MYT1: variants seen among roughly 807,000 people sequenced by gnomAD.
MYT1 encodes the protein myelin transcription factor I.
MYT1 carries 23 observed loss-of-function variants against 123.0 expected under a neutral mutation model. That is an observed-to-expected ratio of 0.19 (90% confidence interval 0.13 to 0.26). The LOEUF is 0.26. Ranked by LOEUF, MYT1 falls within the 10% of genes least tolerant of loss-of-function variation. The pLI, the probability that MYT1 is intolerant of heterozygous loss-of-function variation, is 1.00. For missense variants in MYT1, 1,125 were observed against 1,472.5 expected (o/e 0.76, Z 3.86); for synonymous variants, 518 against 575.3 (o/e 0.90, Z 1.43).
At chr20:64,229,033 C>G (rs1984250612) in intron 18 of MYT1, among the ~76,000 whole-genome samples, 1 of 152,236 alleles carries the variant, frequency 6.6e-6, no homozygotes, top group African/African-American at 2.4e-5. Flanking sequence ...CCAGCTGTGC[C>G]CAAACACCCG....
rs1168018384 is a variant in MYT1, at chr20:64,167,736, C to T, written c.-99+2997C>T. ...GGGGGGCTCTTCTCTTTCTTCCTCT[C>T]TCCCATCTTCCTCATCTTAGATCCT... On this transcript the variant is annotated intron_variant, in intron 1 of 22. Transcript: ENST00000328439. The surrounding 1 kb of genome is among the most constrained non-coding windows in gnomAD (Gnocchi z 6.3). 6.6e-6 allele frequency among the ~76,000 whole-genome samples: 1 copy of T among 152,200 alleles called. No homozygotes were observed. Among genetic ancestry groups the T allele is most frequent in the East Asian group, 1.9e-4 (1 of 5,204 alleles).
At chr20:64,176,702 CT>C (rs955102644) in intron 1 of MYT1, among the ~76,000 whole-genome samples, 1 of 152,244 alleles carries the variant, frequency 6.6e-6, no homozygotes, top group African/African-American at 2.4e-5. Flanking sequence ...TTGGTGCCGC[CT>C]GGGTTCCGGG....
Position 64,227,936 on chromosome 20 carries a change from C to T in MYT1, c.2640C>T (p.Pro880=). ...AGAAAAGTGGAGTCAAGGTGGCACC[C>T]ACCAAGGACGACAAGGAGGACCCCG... ...RAKKSGVKVA[P]TKDDKEDPEL... is the part of the protein sequence containing the mutation. Residue 880 remains proline (P), a synonymous_variant, in exon 18 of 23, where the codon CCC becomes CCT. Coordinates refer to ENST00000328439, the MANE Select transcript of MYT1 (RefSeq NM_004535.3). 6.2e-7 allele frequency: 1 copy of T among 1,614,082 alleles called. No homozygotes were observed. Among genetic ancestry groups the T allele is most frequent in the South Asian group, 1.1e-5 (1 of 91,080 alleles).
Position 64,232,374 on chromosome 20 carries a change from C to T in MYT1, c.2886C>T (p.Leu962=), listed in dbSNP as rs1422383425. The T allele has an allele frequency of 1.2e-6, 2 of 1,613,010 alleles. No individual in the cohort carries two copies. Among genetic ancestry groups the T allele is most frequent in the Admixed American group, 1.7e-5 (1 of 60,022 alleles). ...DGSGHANGSF[L]THRSLSGCPR... ...CTGGCCACGCCAATGGGAGTTTCCT[C>T]ACCCACCGGAGGTAACTGTGCCTGC... Residue 962 remains leucine (L), a synonymous_variant, in exon 19 of 23, where the codon CTC becomes CTT. Transcript: ENST00000328439. This position sits in a 1 kb window ranked among gnomAD's most constrained non-coding sequence, Gnocchi z 6.9.
intron 1 of MYT1, among the ~76,000 whole-genome samples, chr20:64,177,916 A>G (rs564220): frequency 0.91 from 138,862 of 152,234 alleles, 63,401 homozygotes; most frequent in East Asian, 1. Context: ...GAACAAAGCC[A>G]GCCATCCCTG....
chr20:64,215,782 G>C (rs1569996), intron 10 of MYT1, among the ~76,000 whole-genome samples: 19,689 of 133,522 alleles, frequency 0.15, 1,348 homozygotes, highest in South Asian at 0.2. Flanking sequence ...TCTTTTTTTT[G>C]TAGAGAGGGT....
At chr20:64,181,711 G>A (rs1465765181) in intron 1 of MYT1, among the ~76,000 whole-genome samples, 1 of 152,220 alleles carries the variant, frequency 6.6e-6, no homozygotes, top group Non-Finnish European at 1.5e-5. Context: ...TCCAGTGCAG[G>A]TTCCTCCCAC....
chr20:64,195,273 CAG>C (rs897664333), intron 2 of MYT1, among the ~76,000 whole-genome samples: 3 of 151,788 alleles, frequency 2.0e-5, no homozygotes, highest in Non-Finnish European at 4.4e-5. Context: ...ACACCCAACT[CAG>C]GGCACTCTGT....
rs745424413 is a variant in MYT1, at chr20:64,240,486, C to G, written c.*38C>G. On this transcript the variant is annotated 3_prime_UTR_variant, in exon 23 of 23. Coordinates refer to ENST00000328439, the MANE Select transcript of MYT1 (RefSeq NM_004535.3). ...CCAGAAGTGTCCCAGCCCACCACAC[C>G]GTTTACCTCCCTCGCCCTGCCCCGC... is the stretch of plus-strand genomic sequence containing the variant. 1.9e-6 allele frequency: 3 copies of G among 1,598,242 alleles called. No homozygotes were observed. The highest frequency in any genetic ancestry group is 4.5e-5 in the East Asian group (2 of 44,730).
intron 1 of MYT1, among the ~76,000 whole-genome samples, chr20:64,177,294 C>T (rs1982488088): frequency 6.6e-6 from 1 of 152,132 alleles, no homozygotes; most frequent in African/African-American, 2.4e-5. Flanking sequence ...TCCCTTCTCT[C>T]ATTTTCACCT....
Position 64,205,668 on chromosome 20 carries a change from G to A in MYT1, c.265G>A (p.Val89Met). Residue 89 changes from valine (V) to methionine (M), a missense_variant, in exon 6 of 23, where the codon GTG (valine) becomes ATG (methionine). Val to Met is a conservative substitution (Grantham distance 21). Transcript: ENST00000328439. Reference sequence around the variant, plus strand: ...GCTGGCTCTGGACGAGGGCTATGGTGTGGACAGCGACGGCAGTGAGGACAC... The same window carrying A: ...GCTGGCTCTGGACGAGGGCTATGGTATGGACAGCGACGGCAGTGAGGACAC... ...LKLALDEGYG[V>M]DSDGSEDTEV... 1.2e-6 allele frequency: 2 copies of A among 1,614,246 alleles called. No individual in the cohort carries two copies. Among genetic ancestry groups the A allele is most frequent in the Non-Finnish European group, 1.7e-6 (2 of 1,180,042 alleles).
At chr20:64,220,710 C>G (rs1442036314) in intron 13 of MYT1, among the ~76,000 whole-genome samples, 1 of 152,220 alleles carries the variant, frequency 6.6e-6, no homozygotes, top group East Asian at 1.9e-4. Flanking sequence ...TTCCCCTCCC[C>G]CAAAGCCCCT....
chr20:64,173,861 T>A (rs1163072347), intron 1 of MYT1, among the ~76,000 whole-genome samples: 1 of 3,028 alleles, frequency 3.3e-4, no homozygotes. Flanking sequence ...CCTGTAGTTG[T>A]GTCCATTTCC....
chr20:64,178,153 C>T (rs1461225153), intron 1 of MYT1, among the ~76,000 whole-genome samples: 1 of 152,222 alleles, frequency 6.6e-6, no homozygotes, highest in Non-Finnish European at 1.5e-5. Context: ...GTCCCCCATC[C>T]TCATTATTTT....
At chr20:64,194,645 A>C (rs570287016) in intron 2 of MYT1, among the ~76,000 whole-genome samples, 13 of 152,342 alleles carry the variant, frequency 8.5e-5, no homozygotes, top group African/African-American at 3.1e-4. Flanking sequence ...AGCATGAAAA[A>C]GGAATGAAAG....
chr20:64,225,528 G>A (rs1984146657), intron 16 of MYT1, among the ~76,000 whole-genome samples: 1 of 152,214 alleles, frequency 6.6e-6, no homozygotes, highest in Non-Finnish European at 1.5e-5. Flanking sequence ...ACCTGCCAGG[G>A]CATGACAGGC....
rs1445137684 is a variant in MYT1 at position 64,231,087 on chromosome 20, G to A, written c.2676-1077G>A. ...CTCCCGAGCGCTTCCTGCGCTGACA[G>A]TGACTTCCCTGTATGCCCATGAATC... On this transcript the variant is annotated intron_variant, in intron 18 of 22. Coordinates refer to ENST00000328439, the MANE Select transcript of MYT1 (RefSeq NM_004535.3). The surrounding 1 kb of genome is among the most constrained non-coding windows in gnomAD (Gnocchi z 6.4). Among the ~76,000 whole-genome samples the A allele has an allele frequency of 6.7e-6, 1 of 148,978 alleles. No homozygotes were observed. Among genetic ancestry groups the A allele is most frequent in the Non-Finnish European group, 1.5e-5 (1 of 67,432 alleles).
Position 64,213,663 on chromosome 20 carries a change from C to T in MYT1, c.1631+16C>T. The T allele has an allele frequency of 2.5e-6, 4 of 1,606,036 alleles. No individual in the cohort carries two copies. Among genetic ancestry groups the T allele is most frequent in the Non-Finnish European group, 3.4e-6 (4 of 1,173,168 alleles). On this transcript the variant is annotated intron_variant, in intron 10 of 22. Coordinates refer to ENST00000328439, the MANE Select transcript of MYT1 (RefSeq NM_004535.3). The surrounding 1 kb of genome is among the most constrained non-coding windows in gnomAD (Gnocchi z 5.6). ...GGATCCTCAGGTGAGTGAGATGAGCCACAGAACTGAAGAGGCTGCCTCCCA... is the reference window on the plus strand; with the variant it reads ...GGATCCTCAGGTGAGTGAGATGAGCTACAGAACTGAAGAGGCTGCCTCCCA...
chr20:64,188,513 C>T (rs1982875754), intron 1 of MYT1, among the ~76,000 whole-genome samples: 1 of 152,120 alleles, frequency 6.6e-6, no homozygotes, highest in Admixed American at 6.5e-5. Context: ...CTTCTGTTGA[C>T]ACATAAGAAA....
Sources: allele counts gnomAD v4.1 joint callset (sites outside exome capture counted in the v4.1 genomes callset), GRCh38; gene constraint gnomAD v4.1.1; non-coding constraint Gnocchi (gnomAD v3.1); transcripts MANE v1.5; gene names NCBI Gene and HGNC (gene_info 2026-07-23, HGNC 2026-07-21).